The following RMP64 variants were observed in gnomAD, a reference collection of about 807,000 sequenced individuals.
RMP64 encodes the protein ribonuclease MRP subunit p64.
chr3:113,006,674 G>A, the RMP64 span, among the ~76,000 whole-genome samples: 351 of 152,310 alleles, frequency 2.3e-3, 1 homozygote, highest in African/African-American at 7.9e-3. Flanking sequence ...GATTTTAAAA[G>A]ACGGGCATGG....
At chr3:113,017,744 G>GT in the RMP64 span, 2 of 682,088 alleles carry the variant, frequency 2.9e-6, no homozygotes, top group East Asian at 2.9e-5. Flanking sequence ...CTGTAAGAAC[G>GT]TAAGGATTCT....
At chr3:113,014,208 G>A in the RMP64 span, among the ~76,000 whole-genome samples, 1 of 152,088 alleles carries the variant, frequency 6.6e-6, no homozygotes, top group Non-Finnish European at 1.5e-5. Flanking sequence ...ATTGCTTCTA[G>A]TTACAAATTT....
the RMP64 span, chr3:113,011,379 C>A: frequency 6.3e-7 from 1 of 1,595,686 alleles, no homozygotes. Flanking sequence ...ACAAAATCAA[C>A]CTTTTTAAGA....
chr3:113,016,504 AG>A, the RMP64 span, among the ~76,000 whole-genome samples: 15 of 152,282 alleles, frequency 9.9e-5, no homozygotes, highest in Middle Eastern at 6.8e-3. Context: ...CCCAGAAGCT[AG>A]AAGGAGAAAT....
At chr3:113,010,214 G>A in the RMP64 span, among the ~76,000 whole-genome samples, 14 of 152,204 alleles carry the variant, frequency 9.2e-5, no homozygotes, top group African/African-American at 2.9e-4. Context: ...CGCTTTACAT[G>A]CATTAAAACT....
At chr3:113,006,467 A>T in the RMP64 span, among the ~76,000 whole-genome samples, 1 of 152,264 alleles carries the variant, frequency 6.6e-6, no homozygotes, top group Non-Finnish European at 1.5e-5. Flanking sequence ...GGGGTTTATA[A>T]AACAATATGA....
the RMP64 span, chr3:113,008,211 T>G: frequency 6.2e-7 from 1 of 1,614,148 alleles, no homozygotes; most frequent in Non-Finnish European, 8.5e-7. Flanking sequence ...CGGTTGCTTT[T>G]AAGAAGTTTG....
At chr3:113,013,314 T>C in the RMP64 span, 1 of 1,614,118 alleles carries the variant, frequency 6.2e-7, no homozygotes, top group Non-Finnish European at 8.5e-7. Flanking sequence ...GAGCAACAAC[T>C]TGCAGGCTCC....
At chr3:113,018,477 T>C in the RMP64 span, among the ~76,000 whole-genome samples, 14 of 152,162 alleles carry the variant, frequency 9.2e-5, no homozygotes, top group African/African-American at 3.1e-4. Context: ...AGGATGGATA[T>C]ATGGGAAAGG....
chr3:113,003,378 C>A, the RMP64 span: 1 of 152,106 alleles, frequency 6.6e-6, no homozygotes, highest in South Asian at 2.1e-4. Context: ...TACGATGACC[C>A]TGACAATAGT....
At chr3:113,007,226 C>T in the RMP64 span, among the ~76,000 whole-genome samples, 1 of 152,184 alleles carries the variant, frequency 6.6e-6, no homozygotes, top group Non-Finnish European at 1.5e-5. Context: ...ACCCCTCAAG[C>T]ACTTTATCCC....
chr3:113,005,969 A>G, the RMP64 span: 1 of 1,613,494 alleles, frequency 6.2e-7, no homozygotes, highest in South Asian at 1.1e-5. Flanking sequence ...GTGGTTGCAA[A>G]TAGACGTTTT....
the RMP64 span, chr3:113,014,275 T>G: frequency 1.3e-5 from 5 of 391,262 alleles, no homozygotes; most frequent in Non-Finnish European, 2.3e-5. Context: ...GAAATTAGTA[T>G]ATGCCACAAT....
the RMP64 span, among the ~76,000 whole-genome samples, chr3:113,017,919 G>A: frequency 6.6e-6 from 1 of 152,088 alleles, no homozygotes; most frequent in African/African-American, 2.4e-5. Context: ...GTACACTTAC[G>A]CCTCATGTGT....
At chr3:113,011,355 C>G in the RMP64 span, 1 of 1,607,220 alleles carries the variant, frequency 6.2e-7, no homozygotes, top group Non-Finnish European at 8.5e-7. Context: ...GCAATCCAAA[C>G]AAAGGCTCAT....
At chr3:113,013,532 T>C in the RMP64 span, 4 of 807,782 alleles carry the variant, frequency 5.0e-6, no homozygotes, top group East Asian at 2.7e-5. Flanking sequence ...AAGAGATGCA[T>C]AGGGCAAGGT....
the RMP64 span, chr3:113,011,535 T>C: frequency 1.8e-5 from 13 of 732,302 alleles, no homozygotes; most frequent in Middle Eastern, 4.1e-4. Context: ...AAAAACACTA[T>C]AGTGCACACT....
chr3:113,018,771 A>C, the RMP64 span, among the ~76,000 whole-genome samples: 1 of 151,840 alleles, frequency 6.6e-6, no homozygotes, highest in Non-Finnish European at 1.5e-5. Context: ...TACATTATCA[A>C]CTCTTTCATC....
At chr3:113,010,086 A>T in the RMP64 span, among the ~76,000 whole-genome samples, 1 of 152,222 alleles carries the variant, frequency 6.6e-6, no homozygotes, top group Admixed American at 6.5e-5. Flanking sequence ...TAAAACTTGA[A>T]CCTCAACAGG....
Sources: gnomAD v4.1 joint callset for allele counts (sites outside exome capture counted in the v4.1 genomes callset) on GRCh38, gnomAD v4.1.1 for gene constraint, MANE v1.5 for transcripts, NCBI Gene and HGNC (gene_info 2026-07-23, HGNC 2026-07-21) for gene names.